Variants in FAM98B observed in about 807,000 individuals in gnomAD.
FAM98B encodes tRNA-splicing ligase complex subunit FAM98B.
FAM98B carries 32 observed loss-of-function variants against 43.9 expected under a neutral mutation model. The observed-to-expected ratio is 0.73, with a 90% confidence interval of 0.55 to 0.98. The LOEUF is 0.98. Among genes scored for constraint, FAM98B ranks in the 50% least tolerant of loss-of-function variants. The pLI is 0.00. For synonymous variants in FAM98B, 190 were observed against 174.0 expected (o/e 1.09, Z -0.72); for missense variants, 514 against 522.9 (o/e 0.98, Z 0.17).
rs569984690 is a variant in FAM98B, at chr15:38,473,497, A to G, written c.532-8A>G. The stretch of plus-strand genomic sequence containing the variant: ...ACATTTTTCACAATCTTTTATATTT[A>G]CTTTTAGGTGAAAGATATTCTCTCA... On this transcript the variant is annotated splice_polypyrimidine_tract_variant and splice_region_variant and intron_variant, in intron 4 of 7. Coordinates refer to ENST00000397609, the MANE Select transcript of FAM98B (RefSeq NM_173611.4). 1.6e-5 allele frequency: 25 copies of G among 1,584,466 alleles called. No homozygotes were observed. In the South Asian group the frequency reaches 2.5e-4, roughly 16 times the overall value.
At chr15:38,474,068 T>C in intron 5 of FAM98B, 114 bp from the exon 6 acceptor site, 1 of 665,952 alleles carries the variant, frequency 1.5e-6, no homozygotes. Flanking sequence ...CAGAAAATGG[T>C]CAGTAAGTAC....
At chr15:38,474,901 C>T (rs1448777343) in intron 6 of FAM98B, among the ~76,000 whole-genome samples, 1 of 152,130 alleles carries the variant, frequency 6.6e-6, no homozygotes, top group Admixed American at 6.6e-5. Context: ...AATTATAGGG[C>T]TTCTCCTCAT....
intron 4 of FAM98B, among the ~76,000 whole-genome samples, chr15:38,472,547 A>T (rs984999549): frequency 2.0e-5 from 3 of 152,016 alleles, no homozygotes; most frequent in African/African-American, 7.2e-5. Flanking sequence ...TTAAGTATAT[A>T]TATATAGTTC....
At chr15:38,482,914 T>A (rs184152140) in intron 7 of FAM98B, 1 of 152,246 alleles carries the variant, frequency 6.6e-6, no homozygotes, top group African/African-American at 2.4e-5. Context: ...AAAGGAATTA[T>A]ATTAACTGTG....
At position 38,484,574 on chromosome 15, in the gene FAM98B, G is replaced by A. The variant is rs912949064; in HGVS notation, c.1217G>A (p.Gly406Asp). 6 of 1,495,454 alleles carry A rather than the reference G, an allele frequency of 4.0e-6. No homozygotes were observed. The highest frequency in any genetic ancestry group is 2.9e-5 in the African/African-American group (2 of 68,054). 92.6% of individuals were successfully genotyped at this position (1,495,454 alleles called of 1,614,324 possible). A position where few individuals can be genotyped will look rare whatever the true frequency, so the allele number is the denominator to read the frequency against. ...RGGYGGRGGY[G>D]GRGYGDPYGG... Reference sequence around the variant, plus strand: ...GGTTATGGTGGAAGAGGGGGCTATGGTGGAAGAGGCTATGGAGATCCATAT... The same window carrying A: ...GGTTATGGTGGAAGAGGGGGCTATGATGGAAGAGGCTATGGAGATCCATAT... Residue 406 changes from glycine to aspartate, a missense_variant, in exon 8 of 8, where the codon GGT becomes GAT. This residue lies in a region of FAM98B where 45 missense variants were observed against 71.1 expected (regional missense o/e 0.63). Transcript: ENST00000397609.
chr15:38,454,208 T>G lies in FAM98B; in HGVS notation c.47T>G (p.Val16Gly). ...PGPQPTMEGD[V>G]LDTLEALGYK... ...CCCCAACCGACGATGGAGGGAGACG[T>G]GCTGGACACACTGGAGGCGCTGGGG... The change falls in exon 1 of 8, where the codon GTG becomes GGG. Residue 16 changes from valine to glycine, a missense_variant. This residue lies in a region of FAM98B where 469 missense variants were observed against 451.8 expected (regional missense o/e 1.04). Coordinates refer to ENST00000397609, the MANE Select transcript of FAM98B (RefSeq NM_173611.4). The G allele has an allele frequency of 1.2e-6, 2 of 1,604,432 alleles. No homozygotes were observed. Among genetic ancestry groups the G allele is most frequent in the Non-Finnish European group, 1.7e-6 (2 of 1,176,698 alleles).
At chr15:38,473,619 A>G in intron 5 of FAM98B, 34 bp downstream of exon 5, 8 of 1,519,456 alleles carry the variant, frequency 5.3e-6, no homozygotes, top group Non-Finnish European at 7.2e-6. Context: ...GTTTTATGTA[A>G]TTACATTAGT....
In FAM98B at chr15:38,484,592, A is replaced by T. The variant is rs1890341040; in HGVS notation, c.1235A>T (p.Asp412Val). 1.6e-6 allele frequency: 2 copies of T among 1,270,996 alleles called. No homozygotes were observed. The highest frequency in any genetic ancestry group is 4.0e-5 in the Admixed American group (1 of 25,120). The allele number at this position is 1,270,996 out of a possible 1,614,324, so 78.7% of individuals were successfully genotyped here. A position where few individuals can be genotyped will look rare whatever the true frequency, so the allele number is the denominator to read the frequency against. The change falls in exon 8 of 8, where the codon GAT becomes GTT. Residue 412 changes from aspartate to valine, a missense_variant. Physicochemically the swap from Asp to Val is radical, Grantham distance 152 (BLOSUM62 -3). Transcript: ENST00000397609. ...RGGYGGRGYG[D>V]PYGGGGGGGG... is the part of the protein sequence containing the mutation. ...GGCTATGGTGGAAGAGGCTATGGAG[A>T]TCCATATGGAGGAGGTGGTGGTGGT...
At chr15:38,473,434 C>CT (rs1890153806) in intron 4 of FAM98B, 71 bp from the exon 5 acceptor site, 3 of 1,137,788 alleles carry the variant, frequency 2.6e-6, no homozygotes, top group Middle Eastern at 2.8e-4. Context: ...CAGAGCGATA[C>CT]TTTAAACAAG....
rs148312318 is a variant in FAM98B, at chr15:38,460,497, G to A, written c.72-3535G>A. On this transcript the variant is annotated intron_variant, in intron 1 of 7. Transcript: ENST00000397609. ...TAGCAGCGTCATCATCACCTGGGGA[G>A]TAGAAATGCAGAATCCCAGACATCA... Among the ~76,000 whole-genome samples, 482 of 152,200 alleles carry A rather than the reference G, an allele frequency of 3.2e-3. 2 individuals carry two copies. Among genetic ancestry groups the A allele is most frequent in the African/African-American group, 0.011 (462 of 41,514 alleles).
At chr15:38,465,503 A>G (rs980724278) in intron 3 of FAM98B, 100 bp downstream of exon 3, 1 of 1,134,480 alleles carries the variant, frequency 8.8e-7, no homozygotes, top group South Asian at 2.0e-5. Context: ...TGTATATTAA[A>G]AGGGTTTTAA....
At chr15:38,458,964 C>T in intron 1 of FAM98B, 1 of 395,246 alleles carries the variant, frequency 2.5e-6, no homozygotes. Flanking sequence ...AGGTTCCTGA[C>T]TTAGCAGCCC....
intron 3 of FAM98B, among the ~76,000 whole-genome samples, chr15:38,468,873 G>A (rs1177518513): frequency 1.3e-5 from 2 of 152,096 alleles, no homozygotes; most frequent in Non-Finnish European, 1.5e-5. Context: ...TGGCGTTTGT[G>A]TCTAATTTTA....
intron 3 of FAM98B, among the ~76,000 whole-genome samples, chr15:38,467,563 C>CT (rs1027174732): frequency 2.6e-5 from 4 of 152,124 alleles, no homozygotes; most frequent in African/African-American, 9.7e-5. Context: ...GGGAGAATAA[C>CT]TTGTACAGCC....
chr15:38,475,436 T>C (rs1890182548), intron 6 of FAM98B, among the ~76,000 whole-genome samples: 4 of 152,350 alleles, frequency 2.6e-5, no homozygotes, highest in Middle Eastern at 3.4e-3. Flanking sequence ...AAAGTGAAGG[T>C]ATTGGCAGGG....
At chr15:38,473,002 A>G (rs1890148789) in intron 4 of FAM98B, among the ~76,000 whole-genome samples, 1 of 152,208 alleles carries the variant, frequency 6.6e-6, no homozygotes, top group Non-Finnish European at 1.5e-5. Context: ...TGCAAAAGTA[A>G]TGAAAATATG....
chr15:38,459,125 CT>C, intron 1 of FAM98B: 1 of 341,208 alleles, frequency 2.9e-6, no homozygotes, highest in Non-Finnish European at 5.8e-6. Context: ...CACGTGAGCT[CT>C]TTTGAGGACA....
chr15:38,475,716 T>C (rs1266177433), intron 6 of FAM98B, among the ~76,000 whole-genome samples: 1 of 152,192 alleles, frequency 6.6e-6, no homozygotes, highest in Non-Finnish European at 1.5e-5. Flanking sequence ...TCAAGATGTT[T>C]AACTTAATCA....
chr15:38,475,759 C>T lies in FAM98B; in HGVS notation c.729+1461C>T, dbSNP rs116363332. 1.4e-3 allele frequency among the ~76,000 whole-genome samples: 213 copies of T among 152,288 alleles called. 1 individual carries two copies. Among genetic ancestry groups the T allele is most frequent in the African/African-American group, 4.9e-3 (202 of 41,554 alleles). On this transcript the variant is annotated intron_variant, in intron 6 of 7. Transcript: ENST00000397609. ...ATCTGTAAGGTAGCATTCACAGGTT[C>T]TAGGAAATAGGATGTGGACCTCTTT...
Sources: gnomAD v4.1 joint callset for allele counts (sites outside exome capture counted in the v4.1 genomes callset) on GRCh38, gnomAD v4.1.1 for gene constraint, gnomAD v4.1.1 regional missense constraint, MANE v1.5 for transcripts, NCBI Gene and HGNC (gene_info 2026-07-23, HGNC 2026-07-21) for gene names.